TUBE1: variants seen among roughly 807,000 people sequenced by gnomAD.
TUBE1 encodes tubulin epsilon chain.
In TUBE1, 34 loss-of-function variants were observed where a neutral mutation model predicts 53.5. The observed-to-expected ratio is 0.64, with a 90% CI of 0.48 to 0.85. The LOEUF is 0.85. TUBE1 is among the 40% of genes least tolerant of loss of function. The pLI is 0.00. For missense variants in TUBE1, 532 were observed against 570.5 expected, an observed-to-expected ratio of 0.93 and a Z score of 0.69; for synonymous variants, 177 against 198.4, an observed-to-expected ratio of 0.89 and a Z score of 0.91.
rs1414062728 is a variant in TUBE1 at position 112,076,333 on chromosome 6, T to C, written c.625A>G (p.Ile209Val). ...ATGTCATTTCTTACTTGATTGTCAATGGGCAATACACAGTCTGCATGCTCA... is the reference window on the plus strand; with the variant it reads ...ATGTCATTTCTTACTTGATTGTCAACGGGCAATACACAGTCTGCATGCTCA... ...LNEHADCVLP[I>V]DNQSLFDIIS... Residue 209 changes from isoleucine to valine, a missense_variant, in exon 7 of 12, where the codon ATT (isoleucine) becomes GTT (valine). By Grantham distance (29) the Ile-to-Val change is conservative. Transcript: ENST00000368662. 2.5e-6 allele frequency: 4 copies of C among 1,570,046 alleles called. No homozygotes were observed. The highest frequency in any genetic ancestry group is 1.2e-5 in the South Asian group (1 of 84,120).
chr6:112,081,284 C>G (rs587728083), intron 4 of TUBE1, 77 bp from the exon 5 acceptor site: 2 of 717,204 alleles, frequency 2.8e-6, no homozygotes, highest in Non-Finnish European at 4.7e-6. Context: ...AGAATTTATG[C>G]GCTGAATATT....
chr6:112,079,813 T>C, intron 5 of TUBE1, 59 bp from the exon 6 acceptor site: 1 of 1,488,976 alleles, frequency 6.7e-7, no homozygotes, highest in South Asian at 1.3e-5. Context: ...ATTTGATTAG[T>C]TCTAATCTAA....
chr6:112,079,883 T>C lies in TUBE1; in HGVS notation c.327-129A>G, dbSNP rs587691206. The C allele has an allele frequency of 2.0e-5, 17 of 838,192 alleles. No individual in the cohort carries two copies. The African/African-American group carries it at 2.8e-4, about 14-fold the overall frequency. 51.9% of individuals were successfully genotyped at this position (838,192 alleles called of 1,614,324 possible). ...TTATTGAGCTAAGTAAAGTCTATTC[T>C]TGTTTCATGTAAATAAATCATACAA... On this transcript the variant is annotated intron_variant, in intron 5 of 11. Transcript: ENST00000368662.
Position 112,071,387 on chromosome 6 carries a change from GAA to G in TUBE1, c.*23_*24del. 1 of 1,452,756 alleles carries G rather than the reference GAA, an allele frequency of 6.9e-7. No homozygotes were observed. 90.0% of individuals were successfully genotyped at this position (1,452,756 alleles called of 1,614,324 possible). On this transcript the variant is annotated 3_prime_UTR_variant, in exon 12 of 12. Transcript: ENST00000368662. ...GTCAGAAAAAACAATGTGAAATTAA[GAA>G]AGTATTTTTGAGGGTTTCTTTTTCA...
chr6:112,073,455 A>G (rs193229210), intron 9 of TUBE1, among the ~76,000 whole-genome samples: 299 of 152,306 alleles, frequency 2.0e-3, no homozygotes, highest in African/African-American at 7.0e-3. Context: ...CTGAAGGATA[A>G]AAGACAAAAG....
Position 112,087,247 on chromosome 6 carries a change from C to T in TUBE1, c.85G>A (p.Ala29Thr). Reference sequence around the variant, plus strand: ...CGGGCGGGTACCTGGTTGACCGCGGCGTGCTCCCTTAGTGCCAGGTCCCAG... The same window carrying T: ...CGGGCGGGTACCTGGTTGACCGCGGTGTGCTCCCTTAGTGCCAGGTCCCAG... Reference protein sequence around the residue: ...CFWDLALREHAAVNQKGIYDE... With the variant: ...CFWDLALREHTAVNQKGIYDE... Residue 29 changes from alanine to threonine, a missense_variant, in exon 2 of 12, where the codon GCC becomes ACC. By Grantham distance (58) the Ala-to-Thr change is moderately conservative. Coordinates refer to ENST00000368662, the MANE Select transcript of TUBE1 (RefSeq NM_016262.5). The T allele has an allele frequency of 6.4e-7, 1 of 1,551,146 alleles. No individual in the cohort carries two copies.
chr6:112,074,691 A>C lies in TUBE1; in HGVS notation c.953+19T>G. On this transcript the variant is annotated intron_variant, in intron 9 of 11. Transcript: ENST00000368662. ...AGTAATTTGAGGCCTCAAAAAATTG[A>C]AACAAAGTTACACCTTACCTTCTAG... 1 of 1,448,096 alleles carries C rather than the reference A, an allele frequency of 6.9e-7. No homozygotes were observed. Among genetic ancestry groups the C allele is most frequent in the Non-Finnish European group, 9.1e-7 (1 of 1,095,324 alleles). 89.7% of individuals were successfully genotyped at this position (1,448,096 alleles called of 1,614,324 possible).
chr6:112,072,206 G>A (rs1353391470), intron 10 of TUBE1, 130 bp from the exon 11 acceptor site: 6 of 628,100 alleles, frequency 9.6e-6, no homozygotes, highest in Admixed American at 6.9e-5. Context: ...TAGTTTAGAC[G>A]CTAAGTTATC....
intron 3 of TUBE1, 96 bp from the exon 4 acceptor site, chr6:112,084,342 G>T: frequency 1.0e-6 from 1 of 974,876 alleles, no homozygotes; most frequent in Non-Finnish European, 1.6e-6. Flanking sequence ...TAATAAGACT[G>T]CTTATAGGCC....
chr6:112,074,858 G>A lies in TUBE1; in HGVS notation c.813-8C>T, dbSNP rs782473293. ...CCTTCAAATCTTGCAGAGCTAAAAA[G>A]TTAACATTAAAATGAGAAAATTTTT... is the stretch of plus-strand genomic sequence containing the variant. On this transcript the variant is annotated splice_polypyrimidine_tract_variant and splice_region_variant and intron_variant, in intron 8 of 11. Transcript: ENST00000368662. 11 of 1,557,864 alleles carry A rather than the reference G, an allele frequency of 7.1e-6. No individual in the cohort carries two copies. The highest frequency in any genetic ancestry group is 1.2e-5 in the South Asian group (1 of 82,142).
chr6:112,071,552 G>C lies in TUBE1; in HGVS notation c.1288C>G (p.Leu430Val). The C allele has an allele frequency of 6.2e-7, 1 of 1,610,466 alleles. No homozygotes were observed. Among genetic ancestry groups the C allele is most frequent in the Non-Finnish European group, 8.5e-7 (1 of 1,177,924 alleles). Residue 430 changes from leucine (L) to valine (V), a missense_variant, in exon 12 of 12, where the codon CTA becomes GTA. Physicochemically the swap from Leu to Val is conservative, Grantham distance 32. Transcript: ENST00000368662. ...CTTTCTTCCATCCCTTCAACTTGTA[G>C]ATAGTGATGAAGGTGAGCCTATAAA... is the stretch of plus-strand genomic sequence containing the variant. ...YKKKAHLHHY[L>V]QVEGMEESCF...
chr6:112,087,094 T>G (rs1777174107), intron 2 of TUBE1, 139 bp downstream of exon 2: 2 of 752,636 alleles, frequency 2.7e-6, no homozygotes, highest in South Asian at 1.9e-5. Context: ...GCAACATGTT[T>G]AAAAACCAGT....
intron 4 of TUBE1, among the ~76,000 whole-genome samples, 167 bp from the exon 5 acceptor site, chr6:112,081,374 C>G (rs1353718870): frequency 2.6e-5 from 4 of 151,452 alleles, no homozygotes; most frequent in Non-Finnish European, 5.9e-5. Context: ...GAATTTCACT[C>G]TGTTTGAAAG....
intron 2 of TUBE1, chr6:112,086,856 C>A: frequency 2.0e-6 from 1 of 496,570 alleles, no homozygotes. Flanking sequence ...TAGGACAGGT[C>A]CATCAAATGA....
chr6:112,084,237 A>G lies in TUBE1; in HGVS notation c.162T>C (p.Gly54=), dbSNP rs1245900782. The G allele has an allele frequency of 6.2e-7, 1 of 1,613,108 alleles. No individual in the cohort carries two copies. The highest frequency in any genetic ancestry group is 1.3e-5 in the African/African-American group (1 of 74,892). Residue 54 remains glycine (G), a synonymous_variant, in exon 4 of 12, where the codon GGT becomes GGC. Transcript: ENST00000368662. ...FFRNVDTRVV[G]DGGSISKGKI... ...TTCCCTTGGAAATACTTCCACCATC[A>G]CCAACCACTCTGAAAGATAAAAAAA...
intron 9 of TUBE1, among the ~76,000 whole-genome samples, chr6:112,074,354 G>A (rs939420067): frequency 9.0e-5 from 13 of 144,718 alleles, no homozygotes; most frequent in Non-Finnish European, 1.6e-4. Flanking sequence ...AGTATATGAG[G>A]TAGGTACTAT....
At chr6:112,087,355 A>G (rs1554317540) in intron 1 of TUBE1, 49 bp from the exon 2 acceptor site, 5 of 1,551,386 alleles carry the variant, frequency 3.2e-6, no homozygotes, top group Non-Finnish European at 4.4e-6. Context: ...TAAGCAGGAA[A>G]CATGGCCGCT....
At chr6:112,078,270 C>T (rs1777006383) in intron 6 of TUBE1, 1 of 151,954 alleles carries the variant, frequency 6.6e-6, no homozygotes, top group Non-Finnish European at 1.5e-5. Context: ...GGCACAAATA[C>T]AGAAGTATTT....
chr6:112,076,340 T>G lies in TUBE1; in HGVS notation c.618A>C (p.Val206=). 3 of 1,590,344 alleles carry G rather than the reference T, an allele frequency of 1.9e-6. No individual in the cohort carries two copies. The highest frequency in any genetic ancestry group is 2.6e-6 in the Non-Finnish European group (3 of 1,169,500). ...TTCTTACTTGATTGTCAATGGGCAA[T>G]ACACAGTCTGCATGCTCATTAAGTT... ...MKELNEHADC[V]LPIDNQSLFD... Residue 206 remains valine (V), a synonymous_variant, in exon 7 of 12, where the codon GTA becomes GTC. Coordinates refer to ENST00000368662, the MANE Select transcript of TUBE1 (RefSeq NM_016262.5).
Sources: gnomAD v4.1 joint callset for allele counts (sites outside exome capture counted in the v4.1 genomes callset) on GRCh38, gnomAD v4.1.1 for gene constraint, MANE v1.5 for transcripts, NCBI Gene and HGNC (gene_info 2026-07-23, HGNC 2026-07-21) for gene names.